Variants in HDAC9 observed in about 807,000 individuals in gnomAD.
The protein encoded by HDAC9 is MEF-2 interacting transcription repressor (MITR) protein.
A neutral mutation model predicts 139.4 loss-of-function variants in HDAC9; 41 were observed. The observed-to-expected ratio is 0.29, with a 90% CI of 0.23 to 0.38. HDAC9 has a LOEUF of 0.38. HDAC9 is among the 10% of genes least tolerant of loss of function. HDAC9 has a pLI of 1.00. For missense variants in HDAC9, 1,147 were observed against 1,297.0 expected, an observed-to-expected ratio of 0.88 and a Z score of 1.78; for synonymous variants, 517 against 476.2, an observed-to-expected ratio of 1.09 and a Z score of -1.12.
chr7:18,461,364 T>C (rs1328073630), intron 1 of HDAC9, among the ~76,000 whole-genome samples: 2 of 152,120 alleles, frequency 1.3e-5, no homozygotes, highest in Non-Finnish European at 2.9e-5. Flanking sequence ...AAAGGGAGAA[T>C]TTTAGTGGAA....
intron 6 of HDAC9, among the ~76,000 whole-genome samples, chr7:18,623,024 G>A (rs1313604657): frequency 6.6e-6 from 1 of 151,678 alleles, no homozygotes; most frequent in Non-Finnish European, 1.5e-5. Flanking sequence ...TGTGCCTATG[G>A]TCCCAGCTAC....
rs76837833 is a variant in HDAC9 at position 18,610,949 on chromosome 7, T to C, written c.664+16920T>C. Among the ~76,000 whole-genome samples, 312 of 152,298 alleles carry C rather than the reference T, an allele frequency of 2.0e-3. 1 individual carries two copies. Among genetic ancestry groups the C allele is most frequent in the African/African-American group, 7.4e-3 (306 of 41,572 alleles). ...TTGGGGGCCTCAACAGTGCAAATGA[T>C]ATATTCTTTCCTATTACATTCTTTC... On this transcript the variant is annotated intron_variant, in intron 6 of 25. Coordinates refer to ENST00000686413, the MANE Select transcript of HDAC9 (RefSeq NM_178425.4).
intron 2 of HDAC9, among the ~76,000 whole-genome samples, chr7:18,214,647 T>C (rs2038297371): frequency 1.3e-5 from 2 of 152,190 alleles, no homozygotes; most frequent in South Asian, 2.1e-4. Context: ...AGGAAACTTA[T>C]ATATAATATA....
intron 2 of HDAC9, among the ~76,000 whole-genome samples, chr7:18,178,589 A>G (rs540095165): frequency 4.9e-4 from 74 of 152,296 alleles, no homozygotes; most frequent in African/African-American, 1.8e-3. Flanking sequence ...CCCTGTTTCA[A>G]TGCTTATAAA....
chr7:18,648,768 A>G (rs1788263796), intron 11 of HDAC9, 85 bp downstream of exon 11: 3 of 1,152,332 alleles, frequency 2.6e-6, no homozygotes, highest in Non-Finnish European at 3.8e-6. Flanking sequence ...TCTAAGAGGA[A>G]TGTTGATGGG....
At chr7:18,972,385 T>C (rs1228728799) in intron 24 of HDAC9, among the ~76,000 whole-genome samples, 1 of 143,262 alleles carries the variant, frequency 7.0e-6, no homozygotes, top group Non-Finnish European at 1.5e-5. Context: ...TTTTTTTTTT[T>C]TTTTTTTTTT....
intron 13 of HDAC9, among the ~76,000 whole-genome samples, chr7:18,740,534 G>A (rs1787355910): frequency 1.3e-5 from 2 of 152,170 alleles, no homozygotes. Context: ...AAGCGGGCAT[G>A]GCCCCATCTT....
Position 18,594,036 on chromosome 7 carries a change from TG to T in HDAC9, c.664+9del. On this transcript the variant is annotated splice_region_variant and intron_variant, in intron 6 of 25. Transcript: ENST00000686413. ...TTCCCCCTTCGAAAAACTGGTAAGT[TG>T]GTTTAACAGGAACTCTGTTTGCTCT... 1 of 1,612,192 alleles carries T rather than the reference TG, an allele frequency of 6.2e-7. No individual in the cohort carries two copies. The highest frequency in any genetic ancestry group is 1.1e-5 in the South Asian group (1 of 91,030).
At chr7:18,585,208 C>T in intron 2 of HDAC9, 73 bp from the exon 3 acceptor site, 3 of 1,529,090 alleles carry the variant, frequency 2.0e-6, no homozygotes, top group Non-Finnish European at 2.7e-6. Context: ...TATTTGTTTC[C>T]AAATCAATGT....
At chr7:18,336,280 C>T (rs946059839) in intron 1 of HDAC9, among the ~76,000 whole-genome samples, 1 of 151,534 alleles carries the variant, frequency 6.6e-6, no homozygotes, top group South Asian at 2.1e-4. Flanking sequence ...CATTTTAAAT[C>T]CTTCATGAGA....
At chr7:18,947,390 C>T (rs1782479696) in intron 23 of HDAC9, among the ~76,000 whole-genome samples, 1 of 151,644 alleles carries the variant, frequency 6.6e-6, no homozygotes, top group South Asian at 2.1e-4. Flanking sequence ...CATGCATGCC[C>T]AGCACTGGGA....
At chr7:18,561,001 T>A (rs903711102) in intron 2 of HDAC9, among the ~76,000 whole-genome samples, 1 of 152,166 alleles carries the variant, frequency 6.6e-6, no homozygotes, top group Admixed American at 6.5e-5. Context: ...ATACCACCGA[T>A]ATTCTTACAT....
intron 12 of HDAC9, chr7:18,668,395 T>C (rs1437208144): frequency 4.3e-6 from 4 of 929,556 alleles, no homozygotes; most frequent in South Asian, 5.0e-5. Context: ...CTCATAAATA[T>C]TCATTTTCTT....
intron 2 of HDAC9, among the ~76,000 whole-genome samples, chr7:18,180,224 CAT>C (rs869124211): frequency 0.027 from 2,564 of 93,484 alleles, 29 homozygotes; most frequent in African/African-American, 0.058. Flanking sequence ...CCCCAAGACA[CAT>C]ACACACACAC....
chr7:18,475,363 G>T (rs1160185658), intron 1 of HDAC9, among the ~76,000 whole-genome samples: 1 of 152,202 alleles, frequency 6.6e-6, no homozygotes, highest in African/African-American at 2.4e-5. Context: ...AGAGATTTAA[G>T]AGTTAATTTT....
At chr7:18,388,095 G>T (rs900154082) in intron 1 of HDAC9, among the ~76,000 whole-genome samples, 2 of 152,132 alleles carry the variant, frequency 1.3e-5, no homozygotes, top group African/African-American at 4.8e-5. Context: ...ATCTTATCCA[G>T]GAGAGAGTTT....
intron 21 of HDAC9, among the ~76,000 whole-genome samples, chr7:18,836,891 A>C (rs1043247437): frequency 3.3e-5 from 5 of 152,070 alleles, no homozygotes; most frequent in Non-Finnish European, 7.4e-5. Context: ...CATGAAAAAA[A>C]CTTACATGTG....
intron 22 of HDAC9, among the ~76,000 whole-genome samples, chr7:18,916,893 T>C (rs925490400): frequency 6.6e-6 from 1 of 152,024 alleles, no homozygotes; most frequent in African/African-American, 2.4e-5. Context: ...TCTCCCACAA[T>C]GCCATCTCAA....
At chr7:18,260,822 T>C (rs1437114002) in intron 2 of HDAC9, among the ~76,000 whole-genome samples, 1 of 152,152 alleles carries the variant, frequency 6.6e-6, no homozygotes, top group East Asian at 1.9e-4. Flanking sequence ...ATAGGCTGAT[T>C]TGAGACATTA....
Sources: gnomAD v4.1 joint callset for allele counts (sites outside exome capture counted in the v4.1 genomes callset) on GRCh38, gnomAD v4.1.1 for gene constraint, MANE v1.5 for transcripts, NCBI Gene and HGNC (gene_info 2026-07-23, HGNC 2026-07-21) for gene names.